The following DCUN1D4 variants were observed in gnomAD, a reference collection of about 807,000 sequenced individuals.
DCUN1D4 encodes the protein defective in cullin neddylation 1 domain containing 4, also known as DCN1-like protein 4.
DCUN1D4 carries 22 observed loss-of-function variants against 47.9 expected under a neutral mutation model. The observed-to-expected ratio is 0.46, with a 90% confidence interval of 0.33 to 0.66. The LOEUF (loss-of-function observed/expected upper bound fraction) is 0.66, where lower values mean the gene tolerates loss of function less well. Among genes scored for constraint, DCUN1D4 ranks in the 30% least tolerant of loss-of-function variants. The pLI is 0.02. For synonymous variants in DCUN1D4, 121 were observed against 112.2 expected (o/e 1.08, Z -0.50); for missense variants, 301 against 340.8 (o/e 0.88, Z 0.92).
chr4:51,847,621 T>TC (rs1331057984), intron 1 of DCUN1D4, among the ~76,000 whole-genome samples: 2 of 151,884 alleles, frequency 1.3e-5, no homozygotes, highest in Admixed American at 1.3e-4. Context: ...TTTCTTTCTT[T>TC]TTTGTTTTTT....
chr4:51,890,119 A>AT (rs1730184782), intron 6 of DCUN1D4, among the ~76,000 whole-genome samples: 1 of 152,104 alleles, frequency 6.6e-6, no homozygotes, highest in African/African-American at 2.4e-5. Flanking sequence ...AAAGCTAGAG[A>AT]TTTTTTAGCC....
intron 5 of DCUN1D4, among the ~76,000 whole-genome samples, chr4:51,879,089 GTTC>G (rs1475556613): frequency 2.0e-5 from 3 of 152,212 alleles, no homozygotes; most frequent in East Asian, 1.9e-4. Flanking sequence ...GATTCCTGTA[GTTC>G]TTCTTTGGAC....
At chr4:51,849,847 G>A (rs979917825) in intron 1 of DCUN1D4, among the ~76,000 whole-genome samples, 1 of 57,376 alleles carries the variant, frequency 1.7e-5, no homozygotes, top group African/African-American at 2.7e-4. Context: ...GTGTGTGTGC[G>A]TGCGTGTGTG....
chr4:51,850,669 C>T (rs1216946759), intron 1 of DCUN1D4, among the ~76,000 whole-genome samples: 1 of 151,892 alleles, frequency 6.6e-6, no homozygotes, highest in Admixed American at 6.6e-5. Flanking sequence ...CAGATAGTAA[C>T]AAGTAAATTG....
chr4:51,858,817 G>A (rs1271958387), intron 1 of DCUN1D4, among the ~76,000 whole-genome samples: 1 of 152,210 alleles, frequency 6.6e-6, no homozygotes, highest in East Asian at 1.9e-4. Flanking sequence ...TTATTGGAAA[G>A]CAGCCATACT....
At chr4:51,848,030 C>G (rs953124727) in intron 1 of DCUN1D4, among the ~76,000 whole-genome samples, 6 of 152,152 alleles carry the variant, frequency 3.9e-5, no homozygotes, top group African/African-American at 1.4e-4. Flanking sequence ...CTTAAATGAT[C>G]AACTATTGAA....
intron 7 of DCUN1D4, among the ~76,000 whole-genome samples, chr4:51,895,607 A>G (rs903651440): frequency 4.6e-5 from 7 of 151,152 alleles, no homozygotes; most frequent in African/African-American, 1.7e-4. Context: ...ATTGTTAATT[A>G]ACTGCAATAA....
chr4:51,878,512 A>G (rs1026399377), intron 5 of DCUN1D4, among the ~76,000 whole-genome samples: 1 of 151,986 alleles, frequency 6.6e-6, no homozygotes, highest in African/African-American at 2.4e-5. Context: ...CTTTAAACCA[A>G]TTTTCCTGTC....
intron 1 of DCUN1D4, among the ~76,000 whole-genome samples, chr4:51,855,358 G>A (rs1315398792): frequency 1.3e-5 from 2 of 152,152 alleles, no homozygotes; most frequent in African/African-American, 2.4e-5. Context: ...ACACTATAAT[G>A]AGTGAATTCC....
At chr4:51,901,068 C>T (rs1732025709) in intron 8 of DCUN1D4, among the ~76,000 whole-genome samples, 1 of 152,122 alleles carries the variant, frequency 6.6e-6, no homozygotes, top group African/African-American at 2.4e-5. Context: ...CCTTACCAGC[C>T]CTCTTCTGGT....
upstream of DCUN1D4, among the ~76,000 whole-genome samples, chr4:51,841,829 C>T (rs1721677137): frequency 6.6e-6 from 1 of 151,906 alleles, no homozygotes; most frequent in Non-Finnish European, 1.5e-5. Context: ...AATCTAAAAC[C>T]AAAAAGACCG....
the DCUN1D4 span, among the ~76,000 whole-genome samples, chr4:51,836,026 T>G: frequency 6.6e-6 from 1 of 152,156 alleles, no homozygotes; most frequent in Non-Finnish European, 1.5e-5. Context: ...CCTAACAGAA[T>G]TCCCATCATT....
At chr4:51,882,772 AT>A (rs1473535041) in intron 5 of DCUN1D4, among the ~76,000 whole-genome samples, 3 of 152,146 alleles carry the variant, frequency 2.0e-5, no homozygotes, top group African/African-American at 7.2e-5. Context: ...ATTTCAAAAA[AT>A]AAATAAATAA....
chr4:51,844,509 G>A, intron 1 of DCUN1D4: 7 of 646,456 alleles, frequency 1.1e-5, no homozygotes, highest in Non-Finnish European at 1.3e-5. Context: ...TGGCCGGGTC[G>A]GGGGCTTGGC....
At chr4:51,862,827 A>G (rs1725280638) in intron 1 of DCUN1D4, among the ~76,000 whole-genome samples, 1 of 151,924 alleles carries the variant, frequency 6.6e-6, no homozygotes, top group Non-Finnish European at 1.5e-5. Context: ...TGGGAAACAT[A>G]GAAAGACCCT....
chr4:51,878,059 A>T (rs1727966355), intron 5 of DCUN1D4: 1 of 328,738 alleles, frequency 3.0e-6, no homozygotes, highest in Non-Finnish European at 5.5e-6. Context: ...ATAATTCAGA[A>T]CACTAGAAGG....
the DCUN1D4 span, among the ~76,000 whole-genome samples, chr4:51,836,754 C>T: frequency 6.6e-6 from 1 of 152,220 alleles, no homozygotes; most frequent in Admixed American, 6.5e-5. Context: ...CCATCCTCCT[C>T]TTCCCTCCCC....
intron 6 of DCUN1D4, among the ~76,000 whole-genome samples, chr4:51,888,880 G>A (rs979335742): frequency 6.6e-6 from 1 of 152,134 alleles, no homozygotes; most frequent in Non-Finnish European, 1.5e-5. Context: ...GCCGAGGTGG[G>A]TGGGTGGATC....
intron 3 of DCUN1D4, among the ~76,000 whole-genome samples, chr4:51,870,423 T>A (rs1297330994): frequency 6.6e-6 from 1 of 152,198 alleles, no homozygotes; most frequent in African/African-American, 2.4e-5. Context: ...GTTAACTGTT[T>A]GTTTTAGTGA....
Sources: allele counts gnomAD v4.1 joint callset (sites outside exome capture counted in the v4.1 genomes callset), GRCh38; gene constraint gnomAD v4.1.1; transcripts MANE v1.5; gene names NCBI Gene and HGNC (gene_info 2026-07-23, HGNC 2026-07-21).